RFTN1: variants seen among roughly 807,000 people sequenced by gnomAD.
RFTN1 encodes raftlin, lipid raft linker 1.
In RFTN1, 26 loss-of-function variants were observed where a neutral mutation model predicts 46.5. The observed-to-expected ratio is 0.56, with a 90% CI of 0.41 to 0.78. The LOEUF (loss-of-function observed/expected upper bound fraction) is 0.78. Among genes scored for constraint, RFTN1 ranks in the 30% least tolerant of loss-of-function variants. The pLI, the probability that RFTN1 is intolerant of heterozygous loss-of-function variation, is 0.00. For missense variants in RFTN1, 693 were observed against 718.7 expected (o/e 0.96, Z 0.41); for synonymous variants, 261 against 284.2 (o/e 0.92, Z 0.82).
chr3:16,392,420 C>CAGG (rs1473072787), intron 4 of RFTN1, among the ~76,000 whole-genome samples: 1 of 152,136 alleles, frequency 6.6e-6, no homozygotes, highest in African/African-American at 2.4e-5. Context: ...GGATCCCAGA[C>CAGG]AGGAGGTGTC....
intron 2 of RFTN1, among the ~76,000 whole-genome samples, chr3:16,477,280 G>C (rs2076297704): frequency 6.6e-6 from 1 of 152,158 alleles, no homozygotes; most frequent in South Asian, 2.1e-4. Context: ...TCACAACTGA[G>C]AACACACAGA....
rs2075251209 is a variant in RFTN1 at position 16,424,419 on chromosome 3, T to C, written c.332+9432A>G. ...AAAACCTCTGCTGAAAGCACAGTAATGTTTTCGACAAATATTAACAACAGA... is the reference window on the plus strand; with the variant it reads ...AAAACCTCTGCTGAAAGCACAGTAACGTTTTCGACAAATATTAACAACAGA... On this transcript the variant is annotated intron_variant, in intron 3 of 9. Coordinates refer to ENST00000334133, the MANE Select transcript of RFTN1 (RefSeq NM_015150.2). The surrounding 1 kb of genome is among the most constrained non-coding windows in gnomAD (Gnocchi z 4.7). Among the ~76,000 whole-genome samples the C allele has an allele frequency of 6.6e-6, 1 of 152,224 alleles. No homozygotes were observed. The highest frequency in any genetic ancestry group is 6.5e-5 in the Admixed American group (1 of 15,282).
chr3:16,466,745 G>A lies in RFTN1; in HGVS notation c.145+26980C>T, dbSNP rs1392387176. ...TCAAAGCAAGAACTATACTGAGGTAGGTATAGACACTCATGTACACAGAGA... is the reference window on the plus strand; with the variant it reads ...TCAAAGCAAGAACTATACTGAGGTAAGTATAGACACTCATGTACACAGAGA... On this transcript the variant is annotated intron_variant, in intron 2 of 9. Transcript: ENST00000334133. The surrounding 1 kb of genome is among the most constrained non-coding windows in gnomAD (Gnocchi z 5.6). Among the ~76,000 whole-genome samples the A allele has an allele frequency of 2.6e-5, 4 of 152,116 alleles. No individual in the cohort carries two copies. The highest frequency in any genetic ancestry group is 5.9e-5 in the Non-Finnish European group (4 of 68,008).
rs1266204117 is a variant in RFTN1, at chr3:16,475,012, G to C, written c.145+18713C>G. Among the ~76,000 whole-genome samples, 1 of 152,168 alleles carries C rather than the reference G, an allele frequency of 6.6e-6. No homozygotes were observed. Among genetic ancestry groups the C allele is most frequent in the Non-Finnish European group, 1.5e-5 (1 of 68,020 alleles). On this transcript the variant is annotated intron_variant, in intron 2 of 9. Coordinates refer to ENST00000334133, the MANE Select transcript of RFTN1 (RefSeq NM_015150.2). The surrounding 1 kb of genome is among the most constrained non-coding windows in gnomAD (Gnocchi z 4.2). ...TAGTGGGAGGTGTTTGGGTCATAGG[G>C]GCGGATCCCTCACGAAAGGCTTGCT...
At position 16,316,978 on chromosome 3, in the gene RFTN1, C is replaced by CA; in HGVS notation, c.1586dup (p.Val531CysfsTer4). On this transcript the variant is annotated frameshift_variant, in exon 10 of 10. Transcript: ENST00000334133. LOFTEE classifies it low-confidence loss of function (END_TRUNC). The surrounding 1 kb of genome is among the most constrained non-coding windows in gnomAD (Gnocchi z 4.5). ...TCTGCACAGCCTCACCCTCCACACC[C>CA]ACCCCACACAGCAGGCCACCAGGGG... The CA allele has an allele frequency of 6.2e-7, 1 of 1,614,076 alleles. No individual in the cohort carries two copies. Among genetic ancestry groups the CA allele is most frequent in the East Asian group, 2.2e-5 (1 of 44,842 alleles).
chr3:16,372,485 T>C (rs2073558942), intron 5 of RFTN1, among the ~76,000 whole-genome samples: 1 of 152,062 alleles, frequency 6.6e-6, no homozygotes, highest in East Asian at 1.9e-4. Flanking sequence ...ATAGCACCAC[T>C]CGCTACAGCC....
At chr3:16,412,847 G>A (rs539378825) in intron 3 of RFTN1, among the ~76,000 whole-genome samples, 1 of 152,212 alleles carries the variant, frequency 6.6e-6, no homozygotes, top group East Asian at 1.9e-4. Flanking sequence ...CTGGCCAACA[G>A]CTGCAAGAAA....
intron 2 of RFTN1, among the ~76,000 whole-genome samples, chr3:16,438,422 C>A (rs765195055): frequency 3.3e-5 from 5 of 150,982 alleles, no homozygotes; most frequent in Non-Finnish European, 5.9e-5. Context: ...CTGTCTCTAC[C>A]CAAAATACAA....
chr3:16,505,359 C>G (rs1398123648), intron 1 of RFTN1, among the ~76,000 whole-genome samples: 1 of 152,156 alleles, frequency 6.6e-6, no homozygotes, highest in African/African-American at 2.4e-5. Context: ...CTCCAGTGGA[C>G]CTCCACCTGA....
rs532702417 is a variant in RFTN1, at chr3:16,370,764, G to A, written c.827-485C>T. On this transcript the variant is annotated intron_variant, in intron 5 of 9. Coordinates refer to ENST00000334133, the MANE Select transcript of RFTN1 (RefSeq NM_015150.2). This position sits in a 1 kb window ranked among gnomAD's most constrained non-coding sequence, Gnocchi z 5.5. ...CTCACTATTTATAAACTGCAGTAGT[G>A]TTTCCTGGGGCTGAACCCATAATAC... 1 of 156,730 alleles carries A rather than the reference G, an allele frequency of 6.4e-6. No homozygotes were observed. The highest frequency in any genetic ancestry group is 2.4e-5 in the African/African-American group (1 of 41,602). The allele number at this position is 156,730 out of a possible 1,614,324, so 9.7% of individuals were successfully genotyped here.
intron 2 of RFTN1, among the ~76,000 whole-genome samples, chr3:16,437,874 G>GGCAGGTTTCATCT (rs61313770): frequency 0.27 from 41,036 of 151,686 alleles, 5,741 homozygotes; most frequent in African/African-American, 0.29. Flanking sequence ...GGAAACCAGG[G>GGCAGGTTTCATCT]GCTGTCAACA....
At position 16,402,076 on chromosome 3, in the gene RFTN1, G is replaced by A. The variant is rs550013112; in HGVS notation, c.441+7299C>T. On this transcript the variant is annotated intron_variant, in intron 4 of 9. Transcript: ENST00000334133. This position sits in a 1 kb window ranked among gnomAD's most constrained non-coding sequence, Gnocchi z 4.5. ...CCTGAGTGTCCCCCTGACCCCTCAA[G>A]TCTTCATACAACCATCCCCATTCTC... Among the ~76,000 whole-genome samples, 1 of 152,258 alleles carries A rather than the reference G, an allele frequency of 6.6e-6. No homozygotes were observed. The highest frequency in any genetic ancestry group is 1.9e-4 in the East Asian group (1 of 5,190).
In RFTN1 at chr3:16,361,656, A is replaced by G. The variant is rs1430021660; in HGVS notation, c.1031-3609T>C. 1.3e-5 allele frequency among the ~76,000 whole-genome samples: 2 copies of G among 152,220 alleles called. No homozygotes were observed. The highest frequency in any genetic ancestry group is 2.9e-5 in the Non-Finnish European group (2 of 68,034). On this transcript the variant is annotated intron_variant, in intron 6 of 9. Coordinates refer to ENST00000334133, the MANE Select transcript of RFTN1 (RefSeq NM_015150.2). The surrounding 1 kb of genome is among the most constrained non-coding windows in gnomAD (Gnocchi z 4.3). The stretch of plus-strand genomic sequence containing the variant: ...CAAGGACCAGGTGAGCAGCAGAATC[A>G]GGAGAGAAGGTGGTTAAGACTAAAT...
rs1452980011 is a variant in RFTN1 at position 16,452,628 on chromosome 3, C to G, written c.146-18591G>C. 6.6e-6 allele frequency among the ~76,000 whole-genome samples: 1 copy of G among 152,158 alleles called. No individual in the cohort carries two copies. The highest frequency in any genetic ancestry group is 1.5e-5 in the Non-Finnish European group (1 of 68,032). On this transcript the variant is annotated intron_variant, in intron 2 of 9. Coordinates refer to ENST00000334133, the MANE Select transcript of RFTN1 (RefSeq NM_015150.2). The surrounding 1 kb of genome is among the most constrained non-coding windows in gnomAD (Gnocchi z 6.3). The stretch of plus-strand genomic sequence containing the variant: ...ACCTTTTAAAAAATAATTCCCTGTT[C>G]CAACCAACCTTTTTGATTTACTGAC...
At chr3:16,510,189 A>T (rs1348687207) in intron 1 of RFTN1, among the ~76,000 whole-genome samples, 1 of 152,182 alleles carries the variant, frequency 6.6e-6, no homozygotes, top group Non-Finnish European at 1.5e-5. Flanking sequence ...AACAAAGCCA[A>T]ATCTGACCTG....
intron 2 of RFTN1, among the ~76,000 whole-genome samples, chr3:16,438,270 A>G (rs1174154415): frequency 6.6e-6 from 1 of 152,196 alleles, no homozygotes; most frequent in African/African-American, 2.4e-5. Context: ...ATAAAAAATA[A>G]AAGTAGTTAA....
chr3:16,353,397 G>A lies in RFTN1; in HGVS notation c.1146+4535C>T, dbSNP rs188785988. On this transcript the variant is annotated intron_variant, in intron 7 of 9. Transcript: ENST00000334133. This position sits in a 1 kb window ranked among gnomAD's most constrained non-coding sequence, Gnocchi z 5.4. ...GCCTCTTCAAAGAGCTGAGGTGCGG[G>A]GGAACCTGTCCCGGACTGGACATTG... Among the ~76,000 whole-genome samples the A allele has an allele frequency of 8.9e-4, 135 of 152,302 alleles. 1 individual carries two copies. Among genetic ancestry groups the A allele is most frequent in the African/African-American group, 3.1e-3 (129 of 41,572 alleles).
intron 3 of RFTN1, among the ~76,000 whole-genome samples, chr3:16,430,016 T>C (rs902063473): frequency 6.6e-6 from 1 of 152,244 alleles, no homozygotes; most frequent in African/African-American, 2.4e-5. Flanking sequence ...AAGTATCACT[T>C]TAACTGTCTG....
At chr3:16,445,483 T>TCTCACACACACACACACA (rs1352210263) in intron 2 of RFTN1, among the ~76,000 whole-genome samples, 2 of 126,778 alleles carry the variant, frequency 1.6e-5, no homozygotes, top group African/African-American at 6.1e-5. Context: ...TCTCTCTCTC[T>TCTCACACACACACACACA]CACACACACA....
Sources: gnomAD v4.1 joint callset for allele counts (sites outside exome capture counted in the v4.1 genomes callset) on GRCh38, gnomAD v4.1.1 for gene constraint, Gnocchi (gnomAD v3.1) non-coding constraint, MANE v1.5 for transcripts, NCBI Gene and HGNC (gene_info 2026-07-23, HGNC 2026-07-21) for gene names.